The following EXT1 variants were observed in gnomAD, a reference collection of about 807,000 sequenced individuals.
The protein encoded by EXT1 is exostosin glycosyltransferase 1.
In EXT1, 20 loss-of-function variants were observed where a neutral mutation model predicts 82.5. The ratio of observed to expected loss-of-function variants is 0.24; its 90% confidence interval spans 0.17 to 0.35. The LOEUF (loss-of-function observed/expected upper bound fraction) is 0.35. EXT1 is among the 10% of genes least tolerant of loss of function. The pLI is 1.00. For synonymous variants in EXT1, 348 were observed against 350.8 expected (o/e 0.99, Z 0.09); for missense variants, 757 against 936.5 (o/e 0.81, Z 2.50).
intron 1 of EXT1, among the ~76,000 whole-genome samples, chr8:118,095,475 T>C (rs1817593802): frequency 1.3e-5 from 2 of 152,266 alleles, no homozygotes; most frequent in Non-Finnish European, 2.9e-5. Flanking sequence ...TGCACTTGCA[T>C]ACTTAAAAAT....
chr8:118,040,016 G>A (rs1042142695), intron 1 of EXT1, among the ~76,000 whole-genome samples: 1 of 152,192 alleles, frequency 6.6e-6, no homozygotes, highest in African/African-American at 2.4e-5. Context: ...TGTTGAAATT[G>A]CTGTTTAATG....
At chr8:117,993,128 C>T (rs535630991) in intron 1 of EXT1, among the ~76,000 whole-genome samples, 19 of 152,192 alleles carry the variant, frequency 1.2e-4, no homozygotes, top group Non-Finnish European at 2.5e-4. Context: ...GGAGACATTT[C>T]TCCATTTTTA....
At chr8:117,841,661 G>A (rs1417573257) in intron 1 of EXT1, among the ~76,000 whole-genome samples, 2 of 152,064 alleles carry the variant, frequency 1.3e-5, no homozygotes, top group African/African-American at 4.8e-5. Context: ...GGTAAAGAAG[G>A]ACAAAAGGTA....
chr8:117,831,999 T>C (rs548611185), intron 3 of EXT1, among the ~76,000 whole-genome samples: 60 of 152,298 alleles, frequency 3.9e-4, no homozygotes, highest in African/African-American at 1.1e-3. Context: ...AATAAAACAT[T>C]CTTTGAGAAG....
chr8:118,102,487 A>T (rs1259454521), intron 1 of EXT1, among the ~76,000 whole-genome samples: 1 of 152,216 alleles, frequency 6.6e-6, no homozygotes, highest in South Asian at 2.1e-4. Context: ...AAACTGACAG[A>T]CTAGAATGGT....
intron 2 of EXT1, among the ~76,000 whole-genome samples, chr8:117,836,080 C>T (rs1459495755): frequency 1.3e-5 from 2 of 152,204 alleles, no homozygotes; most frequent in Non-Finnish European, 2.9e-5. Flanking sequence ...AACACCCAAA[C>T]CAGAACTTTG....
At chr8:117,816,138 CAT>C (rs1258045333) in intron 7 of EXT1, among the ~76,000 whole-genome samples, 1 of 152,070 alleles carries the variant, frequency 6.6e-6, no homozygotes, top group Non-Finnish European at 1.5e-5. Flanking sequence ...TTATGTATCT[CAT>C]ATAATCTGAT....
At chr8:118,077,979 T>G (rs923985769) in intron 1 of EXT1, among the ~76,000 whole-genome samples, 3 of 152,212 alleles carry the variant, frequency 2.0e-5, no homozygotes, top group Non-Finnish European at 4.4e-5. Flanking sequence ...CTATTCTTAG[T>G]AGTAATCATA....
intron 1 of EXT1, among the ~76,000 whole-genome samples, chr8:118,028,406 C>T (rs1264381870): frequency 1.3e-5 from 2 of 152,182 alleles, no homozygotes; most frequent in East Asian, 3.8e-4. Flanking sequence ...GTTCCATTCA[C>T]CAGATGCTGT....
At chr8:117,826,721 C>A (rs1812013512) in intron 4 of EXT1, among the ~76,000 whole-genome samples, 1 of 151,822 alleles carries the variant, frequency 6.6e-6, no homozygotes, top group Non-Finnish European at 1.5e-5. Flanking sequence ...AATCTTGGAA[C>A]TATATAAAGA....
At chr8:117,855,018 T>C (rs1227189850) in intron 1 of EXT1, among the ~76,000 whole-genome samples, 3 of 152,218 alleles carry the variant, frequency 2.0e-5, no homozygotes, top group Non-Finnish European at 4.4e-5. Flanking sequence ...AACCTTAAAA[T>C]GCAGAACTTA....
chr8:117,882,829 T>A (rs1813083515), intron 1 of EXT1, among the ~76,000 whole-genome samples: 1 of 151,358 alleles, frequency 6.6e-6, no homozygotes, highest in Non-Finnish European at 1.5e-5. Flanking sequence ...ATACAAAAAT[T>A]AGCCAGGCAT....
chr8:118,044,556 C>T (rs369104911), intron 1 of EXT1, among the ~76,000 whole-genome samples: 12 of 152,048 alleles, frequency 7.9e-5, no homozygotes, highest in Non-Finnish European at 1.5e-4. Context: ...TACAGGAGTG[C>T]GCCATCATGC....
At chr8:118,023,391 G>A (rs1816146331) in intron 1 of EXT1, among the ~76,000 whole-genome samples, 1 of 152,174 alleles carries the variant, frequency 6.6e-6, no homozygotes, top group Non-Finnish European at 1.5e-5. Flanking sequence ...AAAACAATGG[G>A]TAATAGCAAA....
intron 1 of EXT1, among the ~76,000 whole-genome samples, chr8:117,884,057 G>A (rs1435914111): frequency 6.6e-6 from 1 of 152,150 alleles, no homozygotes; most frequent in Non-Finnish European, 1.5e-5. Context: ...GAGAGACTCA[G>A]GAGATTCTGC....
Position 118,111,444 on chromosome 8 carries a change from C to CG in EXT1, c.-399_-398insC. The CG allele has an allele frequency of 7.7e-6, 4 of 520,650 alleles. No homozygotes were observed. The highest frequency in any genetic ancestry group is 6.5e-5 in the South Asian group (2 of 30,670). The allele number at this position is 520,650 out of a possible 1,614,324, so 32.3% of individuals were successfully genotyped here. On this transcript the variant is annotated 5_prime_UTR_variant, in exon 1 of 11. Transcript: ENST00000378204. Reference sequence around the variant, plus strand: ...TGATTGCCTTGCCTCTCGGATTCCTCTCGGCAGCGTGGAAAATGAGCCCCG... The same window carrying CG: ...TGATTGCCTTGCCTCTCGGATTCCTCGTCGGCAGCGTGGAAAATGAGCCCCG...
intron 1 of EXT1, among the ~76,000 whole-genome samples, chr8:118,105,131 G>A (rs974921872): frequency 6.6e-6 from 1 of 152,184 alleles, no homozygotes; most frequent in Non-Finnish European, 1.5e-5. Context: ...TGTGAGCAAA[G>A]CAGCCAGGCC....
intron 1 of EXT1, among the ~76,000 whole-genome samples, chr8:117,888,192 G>A (rs1218186303): frequency 6.6e-6 from 1 of 151,898 alleles, no homozygotes; most frequent in East Asian, 1.9e-4. Flanking sequence ...CTGCAGACTT[G>A]CAGAACCCAG....
rs551146125 is a variant in EXT1, at chr8:118,040,517, G to A, written c.962+69568C>T. Among the ~76,000 whole-genome samples, 7 of 152,230 alleles carry A rather than the reference G, an allele frequency of 4.6e-5. No individual in the cohort carries two copies. In the South Asian group the frequency reaches 1.5e-3, roughly 32 times the overall value. ...AACTCTGTCAGTGGACATTTCCTTT[G>A]TGCTTCCTTCAAGAACACCCATGCT... On this transcript the variant is annotated intron_variant, in intron 1 of 10. Transcript: ENST00000378204.
Sources: gnomAD v4.1 joint callset for allele counts (sites outside exome capture counted in the v4.1 genomes callset) on GRCh38, gnomAD v4.1.1 for gene constraint, MANE v1.5 for transcripts, NCBI Gene and HGNC (gene_info 2026-07-23, HGNC 2026-07-21) for gene names.